The following ITGA1 variants were observed in gnomAD, a reference collection of about 807,000 sequenced individuals.
The protein encoded by ITGA1 is integrin subunit alpha 1, also known as integrin alpha-1.
ITGA1 carries 85 observed loss-of-function variants against 145.9 expected under a neutral mutation model. The ratio of observed to expected loss-of-function variants is 0.58; its 90% CI spans 0.49 to 0.70. The LOEUF (loss-of-function observed/expected upper bound fraction) is 0.70. ITGA1 is among the 30% of genes least tolerant of loss of function. The pLI, the probability that ITGA1 is intolerant of heterozygous loss-of-function variation, is 0.00. For synonymous variants in ITGA1, 520 were observed against 495.3 expected, an observed-to-expected ratio of 1.05 and a Z score of -0.66; for missense variants, 1,351 against 1,418.7, an observed-to-expected ratio of 0.95 and a Z score of 0.77.
intron 1 of ITGA1, among the ~76,000 whole-genome samples, chr5:52,830,519 T>A (rs980069586): frequency 6.6e-6 from 1 of 152,204 alleles, no homozygotes; most frequent in Non-Finnish European, 1.5e-5. Context: ...CATTTTTAAG[T>A]TGATTGTAGT....
intron 1 of ITGA1, among the ~76,000 whole-genome samples, chr5:52,848,094 A>G (rs60422098): frequency 0.28 from 42,053 of 152,054 alleles, 6,114 homozygotes; most frequent in South Asian, 0.39. Context: ...TAGATATATC[A>G]TGTGATTTAA....
chr5:52,810,395 G>GA (rs1334174140), intron 1 of ITGA1, among the ~76,000 whole-genome samples: 1 of 152,142 alleles, frequency 6.6e-6, no homozygotes, highest in Non-Finnish European at 1.5e-5. Flanking sequence ...TAAAACTCAG[G>GA]AAAACACCTT....
At chr5:52,911,436 AT>A in intron 14 of ITGA1, among the ~76,000 whole-genome samples, 1 of 133,864 alleles carries the variant, frequency 7.5e-6, no homozygotes, top group East Asian at 2.2e-4. Flanking sequence ...GATACTATAT[AT>A]AGTATAGATA....
intron 1 of ITGA1, among the ~76,000 whole-genome samples, chr5:52,814,390 A>G (rs6859749): frequency 0.26 from 39,922 of 151,930 alleles, 5,527 homozygotes; most frequent in Non-Finnish European, 0.3. Context: ...TGCCTACCCC[A>G]GGCTCCCAAA....
chr5:52,834,560 G>GGGAAAGAGAGAAGAAAGAA (rs1749127323), intron 1 of ITGA1, among the ~76,000 whole-genome samples: 1 of 130,690 alleles, frequency 7.7e-6, no homozygotes, highest in South Asian at 2.4e-4. Flanking sequence ...GAAAGAGAGA[G>GGGAAAGAGAGAAGAAAGAA]AGAAAGAGAG....
chr5:52,893,538 T>C, intron 8 of ITGA1, 137 bp from the exon 9 acceptor site: 1 of 675,536 alleles, frequency 1.5e-6, no homozygotes, highest in Non-Finnish European at 2.3e-6. Flanking sequence ...AAATCACTCT[T>C]CCATAAATAT....
chr5:52,879,709 A>C (rs1249155594), intron 6 of ITGA1, among the ~76,000 whole-genome samples: 1 of 152,192 alleles, frequency 6.6e-6, no homozygotes. Context: ...GCTGTATCCT[A>C]TCTTGTTCCC....
chr5:52,915,097 GAT>G (rs917990090), intron 14 of ITGA1, among the ~76,000 whole-genome samples: 2 of 152,282 alleles, frequency 1.3e-5, no homozygotes, highest in African/African-American at 4.8e-5. Flanking sequence ...TTGCTGATAT[GAT>G]ATGTTTTCAA....
At chr5:52,935,118 T>C (rs999051337) in intron 23 of ITGA1, among the ~76,000 whole-genome samples, 3 of 152,168 alleles carry the variant, frequency 2.0e-5, no homozygotes, top group Admixed American at 1.3e-4. Context: ...CTCTCTCTTA[T>C]AAAAGTGTTG....
At chr5:52,919,817 G>A (rs1750704948) in intron 16 of ITGA1, among the ~76,000 whole-genome samples, 1 of 151,828 alleles carries the variant, frequency 6.6e-6, no homozygotes, top group African/African-American at 2.4e-5. Context: ...TCTTTATTGT[G>A]GTATGCTTAT....
At chr5:52,844,116 T>C (rs576248446) in intron 1 of ITGA1, among the ~76,000 whole-genome samples, 1 of 152,272 alleles carries the variant, frequency 6.6e-6, no homozygotes, top group African/African-American at 2.4e-5. Flanking sequence ...AGCAATTTCA[T>C]CTTTCTCTTT....
rs144669728 is a variant in ITGA1 at position 52,951,653 on chromosome 5, G to A, written c.3496-754G>A. ...CAGACAACTCAGAAATCTCCCTAAC[G>A]CCCTAGCCATAATATACCTGTCAGA... On this transcript the variant is annotated intron_variant, in intron 28 of 28. Transcript: ENST00000282588. 3.1e-4 allele frequency among the ~76,000 whole-genome samples: 47 copies of A among 151,916 alleles called. No homozygotes were observed. In the East Asian group the frequency reaches 7.6e-3, roughly 24 times the overall value.
intron 22 of ITGA1, 158 bp downstream of exon 22, chr5:52,932,294 G>C: frequency 1.7e-6 from 1 of 576,946 alleles, no homozygotes; most frequent in Non-Finnish European, 3.1e-6. Context: ...AAACTCGGAG[G>C]ATGGGGTTAA....
intron 1 of ITGA1, among the ~76,000 whole-genome samples, chr5:52,822,698 G>A (rs1748898760): frequency 6.6e-6 from 1 of 152,214 alleles, no homozygotes; most frequent in Non-Finnish European, 1.5e-5. Flanking sequence ...AGCTGCAAGA[G>A]CTGCAGAAGG....
intron 12 of ITGA1, among the ~76,000 whole-genome samples, chr5:52,906,173 G>A (rs1257196357): frequency 1.3e-5 from 2 of 152,158 alleles, no homozygotes; most frequent in African/African-American, 4.8e-5. Context: ...AACATTAAGA[G>A]GCATGAAATT....
intron 20 of ITGA1, among the ~76,000 whole-genome samples, chr5:52,928,970 G>T (rs1243774806): frequency 1.3e-5 from 2 of 152,174 alleles, no homozygotes; most frequent in Admixed American, 6.5e-5. Context: ...CGGCTTTGTG[G>T]TGTGGAACTT....
rs574350002 is a variant in ITGA1 at position 52,946,359 on chromosome 5, C to A, written c.3379-986C>A. On this transcript the variant is annotated intron_variant, in intron 27 of 28. Coordinates refer to ENST00000282588, the MANE Select transcript of ITGA1 (RefSeq NM_181501.2). ...GATCAGCCTGGGCAAAATAGTGAAA[C>A]CCCATCTGTGTTTTGTTTTGTTTTG... is the stretch of plus-strand genomic sequence containing the variant. 3.7e-4 allele frequency among the ~76,000 whole-genome samples: 56 copies of A among 152,222 alleles called. 2 individuals carry two copies. The highest frequency in any genetic ancestry group is 8.3e-4 in the South Asian group (4 of 4,824).
rs186764157 is a variant in ITGA1 at position 52,873,378 on chromosome 5, G to A, written c.624+7561G>A. Among the ~76,000 whole-genome samples, 4 of 152,194 alleles carry A rather than the reference G, an allele frequency of 2.6e-5. No homozygotes were observed. In the East Asian group the frequency reaches 5.8e-4, roughly 22 times the overall value. ...ACCTCTCCTATCTTTGCATTTTTGA[G>A]CCTACGTCACTTTCATTGTAGCATC... On this transcript the variant is annotated intron_variant, in intron 6 of 28. Coordinates refer to ENST00000282588, the MANE Select transcript of ITGA1 (RefSeq NM_181501.2).
intron 6 of ITGA1, among the ~76,000 whole-genome samples, chr5:52,866,201 AGATGGGGTTTCATC>A (rs113609584): frequency 2.0e-5 from 3 of 152,214 alleles, no homozygotes; most frequent in African/African-American, 7.2e-5. Flanking sequence ...TTTGTAATAG[AGATGGGGTTTCATC>A]ATGTTGGCCA....
Sources: gnomAD v4.1 joint callset for allele counts (sites outside exome capture counted in the v4.1 genomes callset) on GRCh38, gnomAD v4.1.1 for gene constraint, MANE v1.5 for transcripts, NCBI Gene and HGNC (gene_info 2026-07-23, HGNC 2026-07-21) for gene names.